LRP12: variants seen among roughly 807,000 people sequenced by gnomAD.
LRP12 encodes the protein LDL receptor related protein 12.
LRP12 carries 14 observed loss-of-function variants against 66.0 expected under a neutral mutation model. That is an observed-to-expected ratio of 0.21 (90% CI 0.14 to 0.33). The LOEUF (loss-of-function observed/expected upper bound fraction) is 0.33. Among genes scored for constraint, LRP12 ranks in the 10% least tolerant of loss-of-function variants. The probability of loss-of-function intolerance (pLI) is 1.00; values close to 1 mark genes in which losing one functional copy is unlikely to be tolerated. For missense variants in LRP12, 889 were observed against 1,053.4 expected (o/e 0.84, Z 2.16); for synonymous variants, 357 against 359.1 (o/e 0.99, Z 0.07).
chr8:104,503,249 C>T (rs1810854885), intron 3 of LRP12, among the ~76,000 whole-genome samples: 1 of 145,952 alleles, frequency 6.9e-6, no homozygotes, highest in South Asian at 2.1e-4. Flanking sequence ...ACTGCTTGAA[C>T]CCGGGAGGCA....
intron 1 of LRP12, among the ~76,000 whole-genome samples, chr8:104,533,100 A>G (rs1166303302): frequency 6.6e-6 from 1 of 152,114 alleles, no homozygotes; most frequent in East Asian, 1.9e-4. Context: ...AACATACATT[A>G]TATTTCCCTC....
chr8:104,561,200 G>A lies in LRP12; in HGVS notation c.79+27619C>T, dbSNP rs779354106. On this transcript the variant is annotated intron_variant, in intron 1 of 6. Transcript: ENST00000276654. ...TTAGGTAGAATTTGACTGAAAGGCC[G>A]TGTTTTGCCAAACCCTGCTACAGAA... Among the ~76,000 whole-genome samples, 8 of 152,168 alleles carry A rather than the reference G, an allele frequency of 5.3e-5. No homozygotes were observed. In the South Asian group the frequency reaches 8.3e-4, roughly 16 times the overall value.
At chr8:104,556,357 C>T (rs1811808782) in intron 1 of LRP12, among the ~76,000 whole-genome samples, 2 of 152,012 alleles carry the variant, frequency 1.3e-5, no homozygotes, top group Non-Finnish European at 2.9e-5. Context: ...AAACAAAAAG[C>T]TGGTTCTTTG....
intron 2 of LRP12, among the ~76,000 whole-genome samples, chr8:104,516,266 T>C (rs182504191): frequency 6.6e-6 from 1 of 152,254 alleles, no homozygotes; most frequent in African/African-American, 2.4e-5. Context: ...TAGCATCTTC[T>C]TAGTAGGAAC....
At chr8:104,539,971 G>A (rs759099198) in intron 1 of LRP12, among the ~76,000 whole-genome samples, 2 of 152,062 alleles carry the variant, frequency 1.3e-5, no homozygotes, top group Non-Finnish European at 2.9e-5. Flanking sequence ...GCTTGATAGC[G>A]GAGGCCTCAT....
At chr8:104,588,583 G>T (rs1196754138) in intron 1 of LRP12, among the ~76,000 whole-genome samples, 1 of 152,128 alleles carries the variant, frequency 6.6e-6, no homozygotes, top group Non-Finnish European at 1.5e-5. Context: ...GGGCCCTCCC[G>T]GCCGGGCCCC....
At chr8:104,549,487 C>G (rs564491694) in intron 1 of LRP12, among the ~76,000 whole-genome samples, 2 of 146,830 alleles carry the variant, frequency 1.4e-5, no homozygotes, top group East Asian at 4.0e-4. Flanking sequence ...ACCGCAAGCT[C>G]TGCCTCCCGG....
chr8:104,586,424 C>CA (rs1812334357), intron 1 of LRP12, among the ~76,000 whole-genome samples: 1 of 152,216 alleles, frequency 6.6e-6, no homozygotes, highest in African/African-American at 2.4e-5. Context: ...AATCAACCTG[C>CA]TTTTCTTTGT....
chr8:104,520,141 A>T (rs1811125852), intron 2 of LRP12, among the ~76,000 whole-genome samples: 1 of 152,050 alleles, frequency 6.6e-6, no homozygotes, highest in Non-Finnish European at 1.5e-5. Context: ...AATGGAACTA[A>T]CTAGCCAGCT....
chr8:104,495,428 A>T, intron 5 of LRP12: 1 of 444,252 alleles, frequency 2.3e-6, no homozygotes, highest in Non-Finnish European at 4.0e-6. Context: ...ATGCTAGTAG[A>T]AGCCTAGATC....
Position 104,588,888 on chromosome 8 carries a change from G to A in LRP12, c.10C>T (p.Arg4Cys), listed in dbSNP as rs1263543272. Residue 4 changes from arginine (R) to cysteine (C), a missense_variant, in exon 1 of 7, where the codon CGC becomes TGC. Physicochemically the swap from Arg to Cys is radical, Grantham distance 180. Around this residue, in one of 3 missense-constraint regions of LRP12, gnomAD observed 88 missense variants for 72.5 expected, o/e 1.21. Coordinates refer to ENST00000276654, the MANE Select transcript of LRP12 (RefSeq NM_013437.5). ...CGCGGAGACTCTTTTGTGCTCCAGC[G>A]ACAGGCCATAACCACAGCAGATGGA... Reference protein sequence around the residue: MACRWSTKESPRWR... With the variant: MACCWSTKESPRWR... 4.3e-6 allele frequency: 7 copies of A among 1,609,504 alleles called. No homozygotes were observed. The highest frequency in any genetic ancestry group is 1.3e-5 in the African/African-American group (1 of 74,836).
intron 1 of LRP12, among the ~76,000 whole-genome samples, chr8:104,570,640 G>C (rs371902975): frequency 1.8e-3 from 275 of 152,066 alleles, no homozygotes; most frequent in African/African-American, 4.0e-3. Flanking sequence ...ATGAATTTTA[G>C]ACCTAAATGT....
chr8:104,552,343 TAATA>T (rs1397448835), intron 1 of LRP12, among the ~76,000 whole-genome samples: 2 of 151,482 alleles, frequency 1.3e-5, no homozygotes, highest in Non-Finnish European at 2.9e-5. Flanking sequence ...CCCATCAATC[TAATA>T]AATGTATAAA....
chr8:104,542,919 A>G (rs1811499734), intron 1 of LRP12, among the ~76,000 whole-genome samples: 1 of 151,744 alleles, frequency 6.6e-6, no homozygotes, highest in South Asian at 2.1e-4. Flanking sequence ...TGCAGTCTCA[A>G]GAGTGGCAGA....
At chr8:104,545,088 T>C (rs767304006) in intron 1 of LRP12, among the ~76,000 whole-genome samples, 2 of 152,154 alleles carry the variant, frequency 1.3e-5, no homozygotes, top group Admixed American at 6.5e-5. Flanking sequence ...CCAACCCTCA[T>C]GTATGACCTC....
intron 1 of LRP12, among the ~76,000 whole-genome samples, chr8:104,547,760 TAA>T (rs1219674521): frequency 7.8e-6 from 1 of 127,906 alleles, no homozygotes; most frequent in Non-Finnish European, 1.6e-5. Flanking sequence ...ATATAATATA[TAA>T]TTCTATATTA....
intron 1 of LRP12, among the ~76,000 whole-genome samples, chr8:104,555,829 G>C (rs185227385): frequency 6.6e-6 from 1 of 152,016 alleles, no homozygotes; most frequent in Admixed American, 6.6e-5. Flanking sequence ...GATATTTACA[G>C]GATATTCCAC....
chr8:104,559,336 A>G (rs1811865861), intron 1 of LRP12, among the ~76,000 whole-genome samples: 1 of 152,332 alleles, frequency 6.6e-6, no homozygotes, highest in Middle Eastern at 3.4e-3. Context: ...CCATTATTCT[A>G]TGTGAAGTAA....
intron 2 of LRP12, among the ~76,000 whole-genome samples, chr8:104,511,264 G>A (rs562501133): frequency 6.6e-6 from 1 of 151,500 alleles, no homozygotes; most frequent in East Asian, 2.0e-4. Context: ...GGATGGTCTC[G>A]ATCTCTTGAC....
Sources: gnomAD v4.1 joint callset for allele counts (sites outside exome capture counted in the v4.1 genomes callset) on GRCh38, gnomAD v4.1.1 for gene constraint, gnomAD v4.1.1 regional missense constraint, MANE v1.5 for transcripts, NCBI Gene and HGNC (gene_info 2026-07-23, HGNC 2026-07-21) for gene names.